ITGA1: variants seen among roughly 807,000 people sequenced by gnomAD.
The protein encoded by ITGA1 is integrin alpha-1.
In ITGA1, 85 loss-of-function variants were observed where a neutral mutation model predicts 145.9. That is an observed-to-expected ratio of 0.58 (90% CI 0.49 to 0.70). The LOEUF is 0.70. Among genes scored for constraint, ITGA1 ranks in the 30% least tolerant of loss-of-function variants. ITGA1 has a pLI of 0.00. For synonymous variants in ITGA1, 520 were observed against 495.3 expected, an observed-to-expected ratio of 1.05 and a Z score of -0.66; for missense variants, 1,351 against 1,418.7, an observed-to-expected ratio of 0.95 and a Z score of 0.77.
chr5:52,817,305 A>G (rs1748792375), intron 1 of ITGA1, among the ~76,000 whole-genome samples: 1 of 152,184 alleles, frequency 6.6e-6, no homozygotes, highest in Admixed American at 6.5e-5. Context: ...CAACTAAGTG[A>G]TTTTGTGACC....
chr5:52,864,501 C>A (rs1035038719), intron 3 of ITGA1, among the ~76,000 whole-genome samples: 1 of 152,118 alleles, frequency 6.6e-6, no homozygotes, highest in African/African-American at 2.4e-5. Context: ...AAAAGCAATC[C>A]CACATTCTCA....
chr5:52,916,476 A>G (rs908293082), intron 15 of ITGA1, among the ~76,000 whole-genome samples: 23 of 152,180 alleles, frequency 1.5e-4, no homozygotes, highest in Admixed American at 1.5e-3. Flanking sequence ...GAAGAGTAAT[A>G]AAGTATAAAA....
chr5:52,899,803 G>T (rs570379764), intron 11 of ITGA1, among the ~76,000 whole-genome samples: 6 of 152,282 alleles, frequency 3.9e-5, no homozygotes, highest in Non-Finnish European at 5.9e-5. Flanking sequence ...AGCATTAAAA[G>T]AGATCCTATG....
chr5:52,895,201 A>G lies in ITGA1; in HGVS notation c.1090+1361A>G, dbSNP rs182236350. Among the ~76,000 whole-genome samples, 634 of 152,222 alleles carry G rather than the reference A, an allele frequency of 4.2e-3. 4 individuals are homozygous for G. The highest frequency in any genetic ancestry group is 5.1e-3 in the Non-Finnish European group (347 of 68,000). ...TGATTTAGAGGTGATAGGAATCTACAGGCCAGCCAGACTGAATTTCTGTGC... is the reference window on the plus strand; with the variant it reads ...TGATTTAGAGGTGATAGGAATCTACGGGCCAGCCAGACTGAATTTCTGTGC... On this transcript the variant is annotated intron_variant, in intron 9 of 28. Transcript: ENST00000282588.
At chr5:52,911,008 G>A (rs62651790) in intron 14 of ITGA1, among the ~76,000 whole-genome samples, 1 of 16,494 alleles carries the variant, frequency 6.1e-5, no homozygotes, top group Non-Finnish European at 1.1e-4. Flanking sequence ...TATGTATACT[G>A]TATATACTAT....
intron 6 of ITGA1, among the ~76,000 whole-genome samples, chr5:52,880,219 T>G (rs1197498423): frequency 2.0e-5 from 3 of 152,180 alleles, no homozygotes; most frequent in African/African-American, 7.2e-5. Context: ...TTCCACCACT[T>G]CACTATAGGG....
intron 1 of ITGA1, among the ~76,000 whole-genome samples, chr5:52,839,766 T>C (rs1401441361): frequency 6.6e-6 from 1 of 152,166 alleles, no homozygotes; most frequent in Non-Finnish European, 1.5e-5. Flanking sequence ...GTTAAAGAAA[T>C]GATTTTCAGT....
rs1209874082 is a variant in ITGA1, at chr5:52,922,846, C to T, written c.2362C>T (p.Pro788Ser). The change falls in exon 18 of 29, where the codon CCT becomes TCT. Residue 788 changes from proline to serine, a missense_variant. Pro to Ser is a moderately conservative substitution (Grantham distance 74). Transcript: ENST00000282588. ...DFNLTDPENGPVLDDSLPNSV... is the reference protein window; with the variant it reads ...DFNLTDPENGSVLDDSLPNSV... Reference sequence around the variant, plus strand: ...TAATCTTACCGATCCAGAAAATGGGCCTGTTCTTGATGATTCTCTACCAAA... The same window carrying T: ...TAATCTTACCGATCCAGAAAATGGGTCTGTTCTTGATGATTCTCTACCAAA... The T allele has an allele frequency of 1.2e-6, 2 of 1,612,452 alleles. No homozygotes were observed. The highest frequency in any genetic ancestry group is 2.7e-5 in the African/African-American group (2 of 74,878).
chr5:52,789,569 T>C (rs3762991), intron 1 of ITGA1, among the ~76,000 whole-genome samples: 105,436 of 151,716 alleles, frequency 0.69, 37,907 homozygotes, highest in Non-Finnish European at 0.79. Flanking sequence ...AGCTACTGGC[T>C]TTTCATCCAA....
intron 22 of ITGA1, 55 bp downstream of exon 22, chr5:52,932,191 GA>G: frequency 2.7e-6 from 3 of 1,124,390 alleles, no homozygotes; most frequent in Non-Finnish European, 4.0e-6. Flanking sequence ...CAGTGGTTCT[GA>G]AAGTGTGGTC....
intron 14 of ITGA1, among the ~76,000 whole-genome samples, chr5:52,911,576 A>ATATATAGTGTATCTACTATATATAC (rs1750535591): frequency 3.3e-5 from 1 of 30,188 alleles, no homozygotes; most frequent in South Asian, 7.0e-4. Context: ...TATATATACT[A>ATATATAGTGTATCTACTATATATAC]TATATATAGT....
At chr5:52,829,378 T>A (rs1035267845) in intron 1 of ITGA1, among the ~76,000 whole-genome samples, 1 of 151,916 alleles carries the variant, frequency 6.6e-6, no homozygotes, top group African/African-American at 2.4e-5. Flanking sequence ...AAAGTAATAA[T>A]GATAATAAAC....
rs189693344 is a variant in ITGA1 at position 52,945,057 on chromosome 5, A to T, written c.3378+22A>T. 7.9e-5 allele frequency: 120 copies of T among 1,526,236 alleles called. 1 individual carries two copies. The East Asian group carries it at 2.6e-3, about 33-fold the overall frequency. The allele number at this position is 1,526,236 out of a possible 1,614,324, so 94.5% of individuals were successfully genotyped here. A position where few individuals can be genotyped will look rare whatever the true frequency, so the allele number is the denominator to read the frequency against. On this transcript the variant is annotated intron_variant, in intron 27 of 28. Coordinates refer to ENST00000282588, the MANE Select transcript of ITGA1 (RefSeq NM_181501.2). ...AGAGGTAAGTGCAACATGAGTTTTG[A>T]AAACATTATGCATTTCACTCTGAAT...
intron 14 of ITGA1, among the ~76,000 whole-genome samples, chr5:52,912,777 C>T (rs992643841): frequency 5.4e-5 from 8 of 149,226 alleles, no homozygotes; most frequent in African/African-American, 1.5e-4. Flanking sequence ...GACGGAGTCT[C>T]GCTCTGTCGC....
At position 52,861,462 on chromosome 5, in the gene ITGA1, T is replaced by G; in HGVS notation, c.198T>G (p.Ser66=). ...TAACTTCCAGGGTGCTTATTGGTTCTCCGTTAGTTGGCCAACCCAAAAACA... is the reference window on the plus strand; with the variant it reads ...TAACTTCCAGGGTGCTTATTGGTTCGCCGTTAGTTGGCCAACCCAAAAACA... ...NEEGKWVLIG[S]PLVGQPKNRT... Residue 66 remains serine, a synonymous_variant, in exon 3 of 29, where the codon TCT becomes TCG. Coordinates refer to ENST00000282588, the MANE Select transcript of ITGA1 (RefSeq NM_181501.2). 1 of 1,612,480 alleles carries G rather than the reference T, an allele frequency of 6.2e-7. No homozygotes were observed. Among genetic ancestry groups the G allele is most frequent in the South Asian group, 1.1e-5 (1 of 91,006 alleles).
At chr5:52,805,390 A>G (rs1748569707) in intron 1 of ITGA1, among the ~76,000 whole-genome samples, 1 of 152,118 alleles carries the variant, frequency 6.6e-6, no homozygotes, top group African/African-American at 2.4e-5. Context: ...TATTAGGAAG[A>G]TATGAGAGAA....
intron 1 of ITGA1, among the ~76,000 whole-genome samples, chr5:52,807,153 A>G (rs1356492522): frequency 6.6e-6 from 1 of 152,180 alleles, no homozygotes. Flanking sequence ...TGGGTGCCAC[A>G]TTTGTTTTCA....
At chr5:52,793,690 T>C (rs774468544) in intron 1 of ITGA1, among the ~76,000 whole-genome samples, 19 of 152,090 alleles carry the variant, frequency 1.2e-4, no homozygotes, top group Non-Finnish European at 1.9e-4. Context: ...TACAGAGATA[T>C]AACATTGTTC....
intron 1 of ITGA1, among the ~76,000 whole-genome samples, chr5:52,804,637 AC>A (rs1185066093): frequency 6.6e-6 from 1 of 152,182 alleles, no homozygotes; most frequent in Non-Finnish European, 1.5e-5. Context: ...AACAGAAGTT[AC>A]TAATTCTGCA....
Sources: gnomAD v4.1 joint callset for allele counts (sites outside exome capture counted in the v4.1 genomes callset) on GRCh38, gnomAD v4.1.1 for gene constraint, MANE v1.5 for transcripts, NCBI Gene and HGNC (gene_info 2026-07-23, HGNC 2026-07-21) for gene names.